Variants in C19orf38 observed in about 807,000 individuals in gnomAD.
C19orf38 encodes protein HIDE1.
C19orf38 carries 14 observed loss-of-function variants against 26.6 expected under a neutral mutation model. The ratio of observed to expected loss-of-function variants is 0.53; its 90% CI spans 0.35 to 0.82. The LOEUF is 0.82. Among genes scored for constraint, C19orf38 ranks in the 40% least tolerant of loss-of-function variants. C19orf38 has a pLI of 0.01. For synonymous variants in C19orf38, 132 were observed against 128.5 expected, an observed-to-expected ratio of 1.03 and a Z score of -0.18; for missense variants, 261 against 299.5, an observed-to-expected ratio of 0.87 and a Z score of 0.95.
intron 1 of C19orf38, among the ~76,000 whole-genome samples, chr19:10,848,819 C>T (rs2073540922): frequency 6.6e-6 from 1 of 151,814 alleles, no homozygotes; most frequent in Admixed American, 6.6e-5. Flanking sequence ...AGCCCCGCTT[C>T]GTCTCTGAAG....
chr19:10,860,568 G>A (rs1263655107), intron 5 of C19orf38, among the ~76,000 whole-genome samples: 35 of 146,416 alleles, frequency 2.4e-4, no homozygotes, highest in Non-Finnish European at 3.7e-4. Flanking sequence ...AAGGCCAGGC[G>A]TGGTGGCTCA....
At chr19:10,844,847 CAAAA>C (rs36112084), upstream of C19orf38, among the ~76,000 whole-genome samples, 2 of 63,418 alleles carry the variant, frequency 3.2e-5, no homozygotes, top group Admixed American at 1.7e-4. Flanking sequence ...GATTCCATCT[CAAAA>C]AAAAAAAAAA....
Position 10,842,945 on chromosome 19 carries a change from A to G in C19orf38, c.-68-5496A>G, listed in dbSNP as rs138580794. ...GGCAGTTCTCAAGCTCTTGTCCTGC[A>G]TCCAAGAAGAATGAGGAAATGCTGA... On this transcript the variant is annotated intron_variant, in intron 1 of 7. Coordinates refer to the C19orf38 transcript ENST00000592854. Among the ~76,000 whole-genome samples the G allele has an allele frequency of 2.1e-4, 32 of 152,334 alleles. No homozygotes were observed. In the East Asian group the frequency reaches 5.8e-3, roughly 28 times the overall value.
At chr19:10,842,079 A>G in intron 1 of C19orf38, 2 of 1,597,450 alleles carry the variant, frequency 1.3e-6, no homozygotes, top group East Asian at 4.5e-5. Flanking sequence ...ATTGGACAGT[A>G]TGGCTCAGCA....
intron 1 of C19orf38, among the ~76,000 whole-genome samples, chr19:10,839,060 C>T (rs545548377): frequency 6.6e-6 from 1 of 152,070 alleles, no homozygotes; most frequent in Non-Finnish European, 1.5e-5. Context: ...TGCCTGCCAC[C>T]ACGCCCAACT....
chr19:10,840,138 A>G (rs1255461496), intron 1 of C19orf38, among the ~76,000 whole-genome samples: 1 of 152,140 alleles, frequency 6.6e-6, no homozygotes, highest in Non-Finnish European at 1.5e-5. Context: ...ACTTGCGTTC[A>G]GTTCTTTGGG....
At chr19:10,860,534 CAAAAAAA>C (rs900601654) in intron 5 of C19orf38, among the ~76,000 whole-genome samples, 6 of 21,836 alleles carry the variant, frequency 2.7e-4, no homozygotes, top group Non-Finnish European at 3.7e-4. Flanking sequence ...GACTCCATCT[CAAAAAAA>C]AAAAAAAAAA....
At chr19:10,861,563 C>T (rs1194170898) in intron 5 of C19orf38, among the ~76,000 whole-genome samples, 1 of 152,024 alleles carries the variant, frequency 6.6e-6, no homozygotes, top group East Asian at 1.9e-4. Context: ...GCAGGTGGTC[C>T]CCTGAGGAAG....
In C19orf38 at chr19:10,851,295, G is replaced by A. The variant is rs573146150; in HGVS notation, c.340+728G>A. Among the ~76,000 whole-genome samples the A allele has an allele frequency of 5.4e-5, 8 of 149,084 alleles. No individual in the cohort carries two copies. In the East Asian group the frequency reaches 1.0e-3, roughly 19 times the overall value. On this transcript the variant is annotated intron_variant, in intron 2 of 6. Coordinates refer to ENST00000397820, the MANE Select transcript of C19orf38 (RefSeq NM_001136482.3). ...TCTCGAACCCCTGACCTCATGATCC[G>A]CCTACCTCAGCCTCCCAAAGTGCTG... is the stretch of plus-strand genomic sequence containing the variant.
Position 10,848,447 on chromosome 19 carries a change from T to C in C19orf38, c.-62T>C. On this transcript the variant is annotated 5_prime_UTR_variant, in exon 1 of 7. Transcript: ENST00000397820. ...CCCCGATCTGGCCTCACAGGAGGAG[T>C]TGGCGGGGAGCCTTGGGCCCCTCTG... is the stretch of plus-strand genomic sequence containing the variant. 1.3e-6 allele frequency: 2 copies of C among 1,531,648 alleles called. No individual in the cohort carries two copies. The highest frequency in any genetic ancestry group is 8.9e-7 in the Non-Finnish European group (1 of 1,129,388). 94.9% of individuals were successfully genotyped at this position (1,531,648 alleles called of 1,614,324 possible). A position where few individuals can be genotyped will look rare whatever the true frequency, so the allele number is the denominator to read the frequency against.
chr19:10,868,913 G>T (rs1326710628), intron 6 of C19orf38, among the ~76,000 whole-genome samples: 2 of 152,230 alleles, frequency 1.3e-5, no homozygotes, highest in Non-Finnish European at 2.9e-5. Flanking sequence ...CCTAGGAAGT[G>T]GTGGGTACTA....
rs1295129061 is a variant in C19orf38, at chr19:10,850,347, C to T, written c.120C>T (p.Ala40=). 6.4e-7 allele frequency: 1 copy of T among 1,551,154 alleles called. No homozygotes were observed. Among genetic ancestry groups the T allele is most frequent in the South Asian group, 1.2e-5 (1 of 84,012 alleles). ...QEDPIHIACM[A]PGNFPGANFT... Reference sequence around the variant, plus strand: ...ACCCCATCCACATCGCATGCATGGCCCCTGGGAACTTCCCGGGGGCGAATT... The same window carrying T: ...ACCCCATCCACATCGCATGCATGGCTCCTGGGAACTTCCCGGGGGCGAATT... The change falls in exon 2 of 7, where the codon GCC becomes GCT. Residue 40 remains alanine, a synonymous_variant. Coordinates refer to ENST00000397820, the MANE Select transcript of C19orf38 (RefSeq NM_001136482.3).
chr19:10,852,619 G>T (rs2073584333), intron 2 of C19orf38, among the ~76,000 whole-genome samples: 1 of 152,190 alleles, frequency 6.6e-6, no homozygotes, highest in Non-Finnish European at 1.5e-5. Flanking sequence ...GCAGGCAGAG[G>T]ATACAGGATG....
intron 1 of C19orf38, chr19:10,841,982 A>G: frequency 6.2e-7 from 1 of 1,610,642 alleles, no homozygotes; most frequent in South Asian, 1.1e-5. Flanking sequence ...CAGGTCTTAA[A>G]TCTGGAGAAG....
At chr19:10,858,227 A>G (rs977751142) in intron 3 of C19orf38, 89 bp from the exon 4 acceptor site, 5 of 331,604 alleles carry the variant, frequency 1.5e-5, no homozygotes, top group South Asian at 6.6e-5. Flanking sequence ...GACTCTGTCT[A>G]AAAAAAAAAA....
chr19:10,850,933 G>A (rs1183817413), intron 2 of C19orf38, among the ~76,000 whole-genome samples: 2 of 152,160 alleles, frequency 1.3e-5, no homozygotes, highest in East Asian at 3.8e-4. Flanking sequence ...AGGAAACTGA[G>A]GCACAGGAGG....
At chr19:10,844,448 C>T (rs1044813733), upstream of C19orf38, among the ~76,000 whole-genome samples, 13 of 150,314 alleles carry the variant, frequency 8.6e-5, no homozygotes, top group Non-Finnish European at 1.9e-4. Flanking sequence ...TGGTGGCTCA[C>T]GCCTGTAACC....
Position 10,869,643 on chromosome 19 carries a change from C to T in C19orf38, c.*276C>T. ...GTCAGGACCCCTTCTTGTCCCCCAGCTGGGCCATAAGACGTCCCAGGTCTC... is the reference window on the plus strand; with the variant it reads ...GTCAGGACCCCTTCTTGTCCCCCAGTTGGGCCATAAGACGTCCCAGGTCTC... On this transcript the variant is annotated 3_prime_UTR_variant, in exon 7 of 7. Coordinates refer to ENST00000397820, the MANE Select transcript of C19orf38 (RefSeq NM_001136482.3). The T allele has an allele frequency of 2.2e-6, 1 of 448,440 alleles. No individual in the cohort carries two copies. Among genetic ancestry groups the T allele is most frequent in the Non-Finnish European group, 3.9e-6 (1 of 255,924 alleles). The allele number at this position is 448,440 out of a possible 1,614,324, so 27.8% of individuals were successfully genotyped here. A position where few individuals can be genotyped will look rare whatever the true frequency, so the allele number is the denominator to read the frequency against.
At position 10,839,488 on chromosome 19, in the gene C19orf38, G is replaced by A. The variant is rs76426210; in HGVS notation, c.-69+2718G>A. Among the ~76,000 whole-genome samples the A allele has an allele frequency of 2.6e-5, 4 of 152,170 alleles. No individual in the cohort carries two copies. The East Asian group carries it at 7.7e-4, about 29-fold the overall frequency. ...CCTGCCTAAATACTTTCTATCTCCT[G>A]TATCAACTCCTCATTACACTTTGCC... On this transcript the variant is annotated intron_variant, in intron 1 of 7. Transcript: ENST00000592854.
Sources: allele counts gnomAD v4.1 joint callset (sites outside exome capture counted in the v4.1 genomes callset), GRCh38; gene constraint gnomAD v4.1.1; transcripts MANE v1.5; gene names NCBI Gene and HGNC (gene_info 2026-07-23, HGNC 2026-07-21).